PCDHA3: variants seen among roughly 807,000 people sequenced by gnomAD.
PCDHA3 encodes the protein protocadherin alpha-3.
A neutral mutation model predicts 62.2 loss-of-function variants in PCDHA3; 41 were observed. That is an observed-to-expected ratio of 0.66 (90% CI 0.51 to 0.86). The LOEUF is 0.86. Ranked by LOEUF, PCDHA3 falls within the 40% of genes least tolerant of loss-of-function variation. The pLI is 0.00. For missense variants in PCDHA3, 1,304 were observed against 1,241.2 expected, an observed-to-expected ratio of 1.05 and a Z score of -0.76; for synonymous variants, 640 against 555.4, an observed-to-expected ratio of 1.15 and a Z score of -2.14.
chr5:140,891,977 A>G (rs2063334150), intron 1 of PCDHA3, among the ~76,000 whole-genome samples: 1 of 152,206 alleles, frequency 6.6e-6, no homozygotes, highest in Non-Finnish European at 1.5e-5. Flanking sequence ...TTCCGTTCTC[A>G]TAAATTACTC....
At chr5:140,908,578 GTAGT>G (rs1554193408) in intron 1 of PCDHA3, among the ~76,000 whole-genome samples, 1 of 152,196 alleles carries the variant, frequency 6.6e-6, no homozygotes, top group African/African-American at 2.4e-5. Flanking sequence ...CAAAAGGAGA[GTAGT>G]TAGCTGCAGA....
intron 1 of PCDHA3, among the ~76,000 whole-genome samples, chr5:140,941,737 T>A (rs1221306435): frequency 3.9e-5 from 6 of 152,234 alleles, no homozygotes; most frequent in Admixed American, 2.0e-4. Context: ...TTCCCCATTA[T>A]CTTATCAGAT....
chr5:140,899,653 T>C (rs1478658505), intron 1 of PCDHA3, among the ~76,000 whole-genome samples: 1 of 152,220 alleles, frequency 6.6e-6, no homozygotes, highest in African/African-American at 2.4e-5. Context: ...TATTTGGTTG[T>C]GTCTCTGCCC....
At position 140,928,086 on chromosome 5, in the gene PCDHA3, G is replaced by A. The variant is rs17844363; in HGVS notation, c.2395-50863G>A. The A allele has an allele frequency of 1.9e-4, 304 of 1,614,206 alleles. No homozygotes were observed. The East Asian group carries it at 3.7e-3, about 20-fold the overall frequency. On this transcript the variant is annotated intron_variant, in intron 1 of 3. Transcript: ENST00000522353. ...CCTTTGACAACTACTACAGCCTGCT[G>A]ATTGATGGGCCCCTGGACCGGGAGC...
At chr5:140,843,820 T>A in intron 1 of PCDHA3, 1 of 1,210,794 alleles carries the variant, frequency 8.3e-7, no homozygotes, top group South Asian at 1.5e-5. Flanking sequence ...TAGTGAAAAT[T>A]TAAACATTGT....
chr5:140,857,420 G>A (rs2044582609), intron 1 of PCDHA3: 2 of 1,598,360 alleles, frequency 1.3e-6, no homozygotes, highest in Non-Finnish European at 1.7e-6. Flanking sequence ...CGCGCAGTCC[G>A]AGTACACGGT....
chr5:140,938,443 A>C (rs1324427427), intron 1 of PCDHA3, among the ~76,000 whole-genome samples: 1 of 152,180 alleles, frequency 6.6e-6, no homozygotes, highest in African/African-American at 2.4e-5. Context: ...AGATTTATTA[A>C]GTTCCCTTTG....
At chr5:140,877,435 G>A (rs1354877569) in intron 1 of PCDHA3, 1 of 1,613,736 alleles carries the variant, frequency 6.2e-7, no homozygotes, top group African/African-American at 1.3e-5. Context: ...GAAGGACCAC[G>A]GTGAGCCCGC....
rs782659406 is a variant in PCDHA3 at position 140,802,694 on chromosome 5, G to C, written c.1497G>C (p.Val499=). 1.9e-6 allele frequency: 3 copies of C among 1,612,738 alleles called. No individual in the cohort carries two copies. Among genetic ancestry groups the C allele is most frequent in the South Asian group, 1.1e-5 (1 of 91,020 alleles). ...LVSYSLVERR[V]GERALSSYVS... ...CCTACTCGCTGGTGGAACGGCGGGT[G>C]GGGGAGCGCGCGCTGTCGAGCTACG... The change falls in exon 1 of 4, where the codon GTG becomes GTC. Residue 499 remains valine (V), a synonymous_variant. Transcript: ENST00000522353.
intron 1 of PCDHA3, chr5:140,848,409 C>A: frequency 7.4e-7 from 1 of 1,356,090 alleles, no homozygotes; most frequent in Non-Finnish European, 1.0e-6. Flanking sequence ...CGATGGCGAA[C>A]ACAGCAGAAT....
At chr5:140,813,599 A>ATGAGTGAATGG (rs1381585879) in intron 1 of PCDHA3, 1 of 152,234 alleles carries the variant, frequency 6.6e-6, no homozygotes, top group Non-Finnish European at 1.5e-5. Context: ...GCATGAGTCA[A>ATGAGTGAATGG]TGAGTGAATG....
At chr5:140,882,153 AAT>A in intron 1 of PCDHA3, 1 of 1,505,320 alleles carries the variant, frequency 6.6e-7, no homozygotes, top group South Asian at 1.4e-5. Context: ...CAGAAAGCGG[AAT>A]ACCTCTTGCG....
intron 1 of PCDHA3, among the ~76,000 whole-genome samples, chr5:140,888,764 T>G (rs74654123): frequency 6.6e-6 from 1 of 152,068 alleles, no homozygotes; most frequent in Non-Finnish European, 1.5e-5. Flanking sequence ...CTTTTTTTTT[T>G]AATTTTGAAG....
intron 1 of PCDHA3, chr5:140,968,130 T>C: frequency 6.2e-7 from 1 of 1,614,114 alleles, no homozygotes; most frequent in Non-Finnish European, 8.5e-7. Flanking sequence ...CTGCGTACAC[T>C]GAAGGTTGAG....
intron 1 of PCDHA3, among the ~76,000 whole-genome samples, chr5:140,831,711 T>C (rs1771678683): frequency 6.6e-6 from 1 of 152,072 alleles, no homozygotes; most frequent in East Asian, 1.9e-4. Context: ...TGATTAAGTG[T>C]GAGTTTTGGT....
At position 140,834,924 on chromosome 5, in the gene PCDHA3, G is replaced by C; in HGVS notation, c.2394+31333G>C. ...GAGCCCCAATGAGTATTTCTTCCTG[G>C]ACGTGCCAACCAGCAACCAGCAGGT... On this transcript the variant is annotated intron_variant, in intron 1 of 3. Coordinates refer to ENST00000522353, the MANE Select transcript of PCDHA3 (RefSeq NM_018906.3). 1.9e-6 allele frequency: 3 copies of C among 1,585,868 alleles called. No homozygotes were observed. The South Asian group carries it at 3.4e-5, about 18-fold the overall frequency.
rs1455785562 is a variant in PCDHA3, at chr5:140,815,214, A to C, written c.2394+11623A>C. 4 of 152,044 alleles carry C rather than the reference A, an allele frequency of 2.6e-5. No individual in the cohort carries two copies. In the East Asian group the frequency reaches 7.7e-4, roughly 29 times the overall value. The allele number at this position is 152,044 out of a possible 1,614,324, so 9.4% of individuals were successfully genotyped here. A position where few individuals can be genotyped will look rare whatever the true frequency, so the allele number is the denominator to read the frequency against. On this transcript the variant is annotated intron_variant, in intron 1 of 3. Coordinates refer to ENST00000522353, the MANE Select transcript of PCDHA3 (RefSeq NM_018906.3). ...AGTAATTATTGATAGGGCATAACTT[A>C]CTGTTGCCTCTTTGTTAATTGTTGT...
chr5:140,924,116 G>C (rs2081683465), intron 1 of PCDHA3, among the ~76,000 whole-genome samples: 1 of 152,178 alleles, frequency 6.6e-6, no homozygotes, highest in African/African-American at 2.4e-5. Flanking sequence ...AAAGCAGTTA[G>C]CTTGCTTAGC....
intron 1 of PCDHA3, among the ~76,000 whole-genome samples, chr5:140,832,641 T>C (rs1772090459): frequency 6.6e-6 from 1 of 152,130 alleles, no homozygotes; most frequent in African/African-American, 2.4e-5. Flanking sequence ...CCTAGGAGGG[T>C]CTTTAAGAGT....
Sources: allele counts gnomAD v4.1 joint callset (sites outside exome capture counted in the v4.1 genomes callset), GRCh38; gene constraint gnomAD v4.1.1; transcripts MANE v1.5; gene names NCBI Gene and HGNC (gene_info 2026-07-23, HGNC 2026-07-21).